Variants in SS18 observed in about 807,000 individuals in gnomAD.
SS18 encodes the protein SS18 subunit of BAF chromatin remodeling complex.
SS18 carries 28 observed loss-of-function variants against 72.5 expected under a neutral mutation model. That is an observed-to-expected ratio of 0.39 (90% CI 0.29 to 0.53). The LOEUF (loss-of-function observed/expected upper bound fraction) is 0.53. SS18 is among the 20% of genes least tolerant of loss of function. The probability of loss-of-function intolerance (pLI) is 0.76; values close to 1 mark genes in which losing one functional copy is unlikely to be tolerated. For missense variants in SS18, 518 were observed against 535.3 expected (o/e 0.97, Z 0.32); for synonymous variants, 172 against 164.2 (o/e 1.05, Z -0.37).
At chr18:26,070,987 T>TAGGAACTC (rs1489659159) in intron 3 of SS18, among the ~76,000 whole-genome samples, 1 of 152,036 alleles carries the variant, frequency 6.6e-6, no homozygotes, top group Non-Finnish European at 1.5e-5. Flanking sequence ...AAATATATAT[T>TAGGAACTC]AGGAACTCAA....
chr18:26,089,082 C>G (rs2144203589), intron 1 of SS18, among the ~76,000 whole-genome samples: 1 of 152,290 alleles, frequency 6.6e-6, no homozygotes, highest in East Asian at 1.9e-4. Flanking sequence ...ATATCAATCT[C>G]TCCCATTGTA....
intron 3 of SS18, among the ~76,000 whole-genome samples, chr18:26,058,659 A>G (rs531703792): frequency 3.3e-5 from 5 of 152,294 alleles, no homozygotes; most frequent in South Asian, 4.1e-4. Flanking sequence ...ATAGATACAC[A>G]TTGTTATTTG....
At chr18:26,048,735 G>C (rs1026500729) in intron 5 of SS18, among the ~76,000 whole-genome samples, 2 of 152,106 alleles carry the variant, frequency 1.3e-5, no homozygotes, top group Non-Finnish European at 2.9e-5. Context: ...AAAGCACAGT[G>C]TTTTGAAGAT....
intron 10 of SS18, among the ~76,000 whole-genome samples, chr18:26,029,725 A>G (rs550878953): frequency 1.3e-5 from 2 of 152,316 alleles, no homozygotes; most frequent in East Asian, 3.9e-4. Context: ...TCATCTGCCT[A>G]AACTACAACT....
chr18:26,055,479 A>T (rs929517737), intron 4 of SS18, among the ~76,000 whole-genome samples: 3 of 152,072 alleles, frequency 2.0e-5, no homozygotes, highest in Non-Finnish European at 2.9e-5. Context: ...AAAAGAAAAA[A>T]ATAGTAATTT....
intron 1 of SS18, among the ~76,000 whole-genome samples, chr18:26,087,839 TCA>T (rs1387417066): frequency 2.6e-5 from 4 of 152,358 alleles, no homozygotes; most frequent in South Asian, 2.1e-4. Flanking sequence ...ATTTTAAAAT[TCA>T]TTTTAATAAC....
At chr18:26,038,516 G>C (rs985619528) in intron 7 of SS18, 39 bp downstream of exon 7, 6 of 1,526,384 alleles carry the variant, frequency 3.9e-6, no homozygotes, top group Non-Finnish European at 5.5e-6. Context: ...ATATTAGGCA[G>C]GGATAGAAAA....
chr18:26,051,616 C>T (rs2053925447), intron 5 of SS18, among the ~76,000 whole-genome samples: 1 of 152,144 alleles, frequency 6.6e-6, no homozygotes, highest in South Asian at 2.1e-4. Flanking sequence ...TGATCTAGCA[C>T]TGACTGGATC....
At chr18:26,056,121 G>A (rs895250537) in intron 4 of SS18, among the ~76,000 whole-genome samples, 3 of 152,098 alleles carry the variant, frequency 2.0e-5, no homozygotes, top group South Asian at 4.1e-4. Flanking sequence ...GGTCATAAGT[G>A]GTTGATAATA....
intron 7 of SS18, 26 bp downstream of exon 7, chr18:26,038,529 G>A (rs2143877592): frequency 1.0e-5 from 16 of 1,584,054 alleles, no homozygotes; most frequent in Non-Finnish European, 1.4e-5. Flanking sequence ...ATAGAAAATG[G>A]GAAAGTTAAC....
chr18:26,074,764 GT>G (rs1568027420), intron 3 of SS18, among the ~76,000 whole-genome samples: 1 of 151,758 alleles, frequency 6.6e-6, no homozygotes, highest in African/African-American at 2.4e-5. Context: ...AGACCAAAAG[GT>G]TTGAAAAATG....
intron 1 of SS18, chr18:26,090,278 T>C (rs1330430270): frequency 3.5e-6 from 2 of 565,218 alleles, no homozygotes; most frequent in African/African-American, 2.0e-5. Context: ...TTTGTGTCTG[T>C]AGAAAAACGC....
At chr18:26,075,076 T>C (rs2054388157) in intron 3 of SS18, among the ~76,000 whole-genome samples, 1 of 151,190 alleles carries the variant, frequency 6.6e-6, no homozygotes, top group South Asian at 2.1e-4. Flanking sequence ...ATTAAAGAAG[T>C]AAGTAAATAA....
chr18:26,076,506 A>G (rs1037305992), intron 3 of SS18, among the ~76,000 whole-genome samples: 1 of 151,966 alleles, frequency 6.6e-6, no homozygotes, highest in Non-Finnish European at 1.5e-5. Context: ...ACGAAAATAA[A>G]TTCTACCTAG....
intron 3 of SS18, among the ~76,000 whole-genome samples, chr18:26,059,291 T>C (rs1185507464): frequency 6.6e-6 from 1 of 152,188 alleles, no homozygotes; most frequent in Non-Finnish European, 1.5e-5. Flanking sequence ...TCCACAATTA[T>C]CTTGGCTTTT....
chr18:26,082,019 C>T (rs1389427017), intron 2 of SS18, among the ~76,000 whole-genome samples: 1 of 151,834 alleles, frequency 6.6e-6, no homozygotes, highest in African/African-American at 2.4e-5. Flanking sequence ...TATCATACCA[C>T]TTGCACTCCA....
At position 26,039,290 on chromosome 18, in the gene SS18, C is replaced by A; in HGVS notation, c.774G>T (p.Gln258His). The change falls in exon 6 of 11, where the codon CAG (glutamine) becomes CAT (histidine). Residue 258 changes from glutamine (Q) to histidine (H), a missense_variant and splice_region_variant. Gln to His is a conservative substitution (Grantham distance 24). Transcript: ENST00000415083. Reference sequence around the variant, plus strand: ...CAAATTTTCCAAATGGAATCTTACCCTGTTGAGGAGGTCTATAGGGAGGAA... The same window carrying A: ...CAAATTTTCCAAATGGAATCTTACCATGTTGAGGAGGTCTATAGGGAGGAA... ...RQIPPYRPPQ[Q>H]GPPQQYSGQE... The A allele has an allele frequency of 1.2e-6, 2 of 1,603,988 alleles. No homozygotes were observed. The highest frequency in any genetic ancestry group is 1.7e-6 in the Non-Finnish European group (2 of 1,173,872).
intron 7 of SS18, among the ~76,000 whole-genome samples, chr18:26,037,414 T>C (rs2053644625): frequency 6.6e-6 from 1 of 152,078 alleles, no homozygotes; most frequent in South Asian, 2.1e-4. Context: ...ACAAAGTAGA[T>C]TTCACGTCTT....
At position 26,018,313 on chromosome 18, in the gene SS18, G is replaced by A; in HGVS notation, c.*41C>T. The A allele has an allele frequency of 1.3e-6, 2 of 1,566,918 alleles. No homozygotes were observed. Among genetic ancestry groups the A allele is most frequent in the South Asian group, 1.1e-5 (1 of 89,468 alleles). On this transcript the variant is annotated 3_prime_UTR_variant, in exon 11 of 11. Transcript: ENST00000415083. Reference sequence around the variant, plus strand: ...GTCCACAGTGCTGAGGTGACAATATGGCTGCTAATAGATACTGGCTACTGG... The same window carrying A: ...GTCCACAGTGCTGAGGTGACAATATAGCTGCTAATAGATACTGGCTACTGG...
Sources: allele counts gnomAD v4.1 joint callset (sites outside exome capture counted in the v4.1 genomes callset), GRCh38; gene constraint gnomAD v4.1.1; transcripts MANE v1.5; gene names NCBI Gene and HGNC (gene_info 2026-07-23, HGNC 2026-07-21).